Variants in WDR12 observed in about 807,000 individuals in gnomAD.
WDR12 encodes WD repeat domain 12.
A neutral mutation model predicts 64.3 loss-of-function variants in WDR12; 42 were observed. The ratio of observed to expected loss-of-function variants is 0.65; its 90% confidence interval spans 0.51 to 0.84. WDR12 has a LOEUF of 0.84. WDR12 is among the 40% of genes least tolerant of loss of function. The pLI is 0.00. For synonymous variants in WDR12, 158 were observed against 173.3 expected (o/e 0.91, Z 0.70); for missense variants, 469 against 494.6 (o/e 0.95, Z 0.49).
At chr2:202,908,212 T>C (rs1044333860) in intron 1 of WDR12, among the ~76,000 whole-genome samples, 2 of 152,148 alleles carry the variant, frequency 1.3e-5, no homozygotes, top group Non-Finnish European at 2.9e-5. Context: ...AAAGACACCA[T>C]AGGTCATTTT....
chr2:202,892,063 T>A (rs1352576106), intron 8 of WDR12, among the ~76,000 whole-genome samples: 2 of 152,258 alleles, frequency 1.3e-5, no homozygotes, highest in African/African-American at 4.8e-5. Context: ...GTGTATCTAA[T>A]CATGTAGTAC....
intron 2 of WDR12, among the ~76,000 whole-genome samples, chr2:202,907,016 T>C (rs1426893090): frequency 1.3e-5 from 2 of 151,922 alleles, no homozygotes; most frequent in African/African-American, 2.4e-5. Flanking sequence ...TGGTGCGATC[T>C]TGGCTCACTG....
chr2:202,910,514 C>T (rs1688564789), intron 1 of WDR12, among the ~76,000 whole-genome samples: 3 of 152,042 alleles, frequency 2.0e-5, no homozygotes, highest in African/African-American at 7.2e-5. Flanking sequence ...CAGAGTGAGA[C>T]TCTGTCTCCA....
intron 1 of WDR12, 53 bp from the exon 2 acceptor site, chr2:202,908,012 C>A (rs905752959): frequency 6.7e-7 from 1 of 1,500,918 alleles, no homozygotes; most frequent in South Asian, 1.1e-5. Flanking sequence ...TTTGAACAAA[C>A]ATGCTTTTAC....
Position 202,897,401 on chromosome 2 carries a change from G to C in WDR12, c.353C>G (p.Ser118Cys), listed in dbSNP as rs775862914. 19 of 1,570,122 alleles carry C rather than the reference G, an allele frequency of 1.2e-5. 1 individual carries two copies. In the South Asian group the frequency reaches 2.3e-4, roughly 19 times the overall value. ...KGAEEWILTG[S>C]YDKTSRIWSL... The stretch of plus-strand genomic sequence containing the variant: ...CCAGATCCGAGAAGTCTTATCATAA[G>C]AACCAGTCAAGATCCTATGAGAAAA... Residue 118 changes from serine (S) to cysteine (C), a missense_variant, in exon 5 of 13, where the codon TCT becomes TGT. By Grantham distance (112) the Ser-to-Cys change is moderately radical (BLOSUM62 -1). Coordinates refer to ENST00000261015, the MANE Select transcript of WDR12 (RefSeq NM_018256.4).
chr2:202,894,590 A>C lies in WDR12; in HGVS notation c.646T>G (p.Trp216Gly). Residue 216 changes from tryptophan to glycine, a missense_variant, in exon 7 of 13, where the codon TGG (tryptophan) becomes GGG (glycine). Physicochemically the swap from Trp to Gly is radical, Grantham distance 184. Transcript: ENST00000261015. ...SGSWDKMLKI[W>G]STVPTDEEDE... ...TAAATATTTAATTTACCTGTAGACC[A>C]GATCTTTAGCATCTTATCCCAGGAG... 6.2e-7 allele frequency: 1 copy of C among 1,605,930 alleles called. No homozygotes were observed. The highest frequency in any genetic ancestry group is 1.7e-5 in the Admixed American group (1 of 58,506).
In WDR12 at chr2:202,880,531, G is replaced by C. The variant is rs1430602364; in HGVS notation, c.*329C>G. On this transcript the variant is annotated 3_prime_UTR_variant, in exon 13 of 13. Transcript: ENST00000261015. ...CCACTGCACTCCAGCCTAGGCAACA[G>C]AGCAAGACTCCATCTCAAAAAAAAA... 2 of 164,078 alleles carry C rather than the reference G, an allele frequency of 1.2e-5. No individual in the cohort carries two copies. Among genetic ancestry groups the C allele is most frequent in the African/African-American group, 5.1e-5 (2 of 39,022 alleles). 10.2% of individuals were successfully genotyped at this position (164,078 alleles called of 1,614,324 possible). A position where few individuals can be genotyped will look rare whatever the true frequency, so the allele number is the denominator to read the frequency against.
intron 1 of WDR12, among the ~76,000 whole-genome samples, chr2:202,909,758 G>A (rs1432785712): frequency 6.6e-6 from 1 of 151,214 alleles, no homozygotes; most frequent in African/African-American, 2.4e-5. Flanking sequence ...ATAATATTAA[G>A]CAAAAAGAAA....
At chr2:202,889,993 G>A (rs1688121650) in intron 8 of WDR12, among the ~76,000 whole-genome samples, 1 of 152,226 alleles carries the variant, frequency 6.6e-6, no homozygotes, top group African/African-American at 2.4e-5. Context: ...TTCGGAGGCT[G>A]AGGCAAGCAG....
Position 202,882,799 on chromosome 2 carries a change from A to G in WDR12, c.1122-16T>C, listed in dbSNP as rs72934751. 178,889 of 1,609,416 alleles carry G rather than the reference A, an allele frequency of 0.11. 11,313 individuals carry two copies. Among genetic ancestry groups the G allele is most frequent in the Non-Finnish European group, 0.13 (150,583 of 1,175,904 alleles). ...AGCCTTACAACTAAAAGATGAAAAT[A>G]TTAACATATTATATGCATTCACAGT... is the stretch of plus-strand genomic sequence containing the variant. On this transcript the variant is annotated splice_polypyrimidine_tract_variant and intron_variant, in intron 11 of 12. Transcript: ENST00000261015.
intron 2 of WDR12, among the ~76,000 whole-genome samples, chr2:202,905,766 G>T (rs1688446022): frequency 6.6e-6 from 1 of 152,152 alleles, no homozygotes; most frequent in African/African-American, 2.4e-5. Flanking sequence ...AATAAGCCAG[G>T]CACAGAAAAC....
chr2:202,905,984 CAAT>C (rs1199199769), intron 2 of WDR12, among the ~76,000 whole-genome samples: 1 of 152,016 alleles, frequency 6.6e-6, no homozygotes, highest in Non-Finnish European at 1.5e-5. Flanking sequence ...TGACTATAGT[CAAT>C]AATTTAATTA....
At chr2:202,887,300 A>G (rs1411819315) in intron 8 of WDR12, among the ~76,000 whole-genome samples, 3 of 26,404 alleles carry the variant, frequency 1.1e-4, no homozygotes, top group African/African-American at 2.0e-4. Context: ...CTGGGGTTAC[A>G]GGTGCCCCAC....
At position 202,895,614 on chromosome 2, in the gene WDR12, C is replaced by G. The variant is rs1290777166; in HGVS notation, c.609+451G>C. On this transcript the variant is annotated intron_variant, in intron 6 of 12. Transcript: ENST00000261015. ...TCTCGGTCACTGCAACCTCTGTCTCCCGGGTTCAAGTGATTCTCCTACCTC... is the reference window on the plus strand; with the variant it reads ...TCTCGGTCACTGCAACCTCTGTCTCGCGGGTTCAAGTGATTCTCCTACCTC... Among the ~76,000 whole-genome samples the G allele has an allele frequency of 6.7e-5, 10 of 150,284 alleles. No homozygotes were observed. In the East Asian group the frequency reaches 1.8e-3, roughly 26 times the overall value.
chr2:202,893,633 A>G (rs1018717973), intron 7 of WDR12, among the ~76,000 whole-genome samples: 4 of 152,316 alleles, frequency 2.6e-5, no homozygotes, highest in African/African-American at 9.6e-5. Context: ...TATACTGTGT[A>G]ACACAGCAAT....
At position 202,880,994 on chromosome 2, in the gene WDR12, T is replaced by A. The variant is rs1310325070; in HGVS notation, c.1195-57A>T. On this transcript the variant is annotated intron_variant, in intron 12 of 12. Coordinates refer to ENST00000261015, the MANE Select transcript of WDR12 (RefSeq NM_018256.4). Reference sequence around the variant, plus strand: ...CATAAATAAATATAATTATTTCACATCATAGCTAAACCTAATTAAATACTA... The same window carrying A: ...CATAAATAAATATAATTATTTCACAACATAGCTAAACCTAATTAAATACTA... The A allele has an allele frequency of 2.8e-6, 4 of 1,418,674 alleles. No individual in the cohort carries two copies. In the East Asian group the frequency reaches 1.0e-4, roughly 36 times the overall value. The allele number at this position is 1,418,674 out of a possible 1,614,324, so 87.9% of individuals were successfully genotyped here. A position where few individuals can be genotyped will look rare whatever the true frequency, so the allele number is the denominator to read the frequency against.
At position 202,882,691 on chromosome 2, in the gene WDR12, A is replaced by G. The variant is rs1468015905; in HGVS notation, c.1194+20T>C. 8 of 1,606,682 alleles carry G rather than the reference A, an allele frequency of 5.0e-6. No individual in the cohort carries two copies. Among genetic ancestry groups the G allele is most frequent in the Non-Finnish European group, 6.8e-6 (8 of 1,173,970 alleles). On this transcript the variant is annotated intron_variant, in intron 12 of 12. Transcript: ENST00000261015. ...ATTCTAGTCACTTTCCTCTTCATCA[A>G]ATAACTAATAAATTCTTACCCCTGT...
At chr2:202,891,873 G>C (rs1383943385) in intron 8 of WDR12, among the ~76,000 whole-genome samples, 1 of 152,132 alleles carries the variant, frequency 6.6e-6, no homozygotes, top group Non-Finnish European at 1.5e-5. Flanking sequence ...CAAACTCATG[G>C]AAGCACAGAG....
rs753598522 is a variant in WDR12, at chr2:202,883,558, C to G, written c.1121+51G>C. ...AAGAATTTCAGTATTCATTTCCTTT[C>G]TATAACAGGTAATTGATATGTTTCT... On this transcript the variant is annotated intron_variant, in intron 11 of 12. Transcript: ENST00000261015. The G allele has an allele frequency of 5.1e-6, 8 of 1,570,764 alleles. No individual in the cohort carries two copies. The Admixed American group carries it at 5.5e-5, about 11-fold the overall frequency.
Sources: allele counts gnomAD v4.1 joint callset (sites outside exome capture counted in the v4.1 genomes callset), GRCh38; gene constraint gnomAD v4.1.1; transcripts MANE v1.5; gene names NCBI Gene and HGNC (gene_info 2026-07-23, HGNC 2026-07-21).